NR2F6: variants seen among roughly 807,000 people sequenced by gnomAD.
The protein encoded by NR2F6 is nuclear receptor subfamily 2 group F member 6.
In NR2F6, 16 loss-of-function variants were observed where a neutral mutation model predicts 26.5. The observed-to-expected ratio is 0.60, with a 90% CI of 0.41 to 0.92. NR2F6 has a LOEUF of 0.92. NR2F6 is among the 40% of genes least tolerant of loss of function. NR2F6 has a pLI of 0.00. For missense variants in NR2F6, 536 were observed against 631.7 expected (o/e 0.85, Z 1.62); for synonymous variants, 325 against 305.0 (o/e 1.07, Z -0.68).
At position 17,245,330 on chromosome 19, in the gene NR2F6, G is replaced by A. The variant is rs1343538162; in HGVS notation, c.-110C>T. On this transcript the variant is annotated 5_prime_UTR_variant, in exon 1 of 4. Transcript: ENST00000291442. This position sits in a 1 kb window ranked among gnomAD's most constrained non-coding sequence, Gnocchi z 5.0. ...CGCATTCGGCCCCGGCGCGCGGGGG[G>A]CACGGGCTGCACCCCCCAAAAAAGT... 4 of 931,200 alleles carry A rather than the reference G, an allele frequency of 4.3e-6. No individual in the cohort carries two copies. The highest frequency in any genetic ancestry group is 5.3e-5 in the South Asian group (1 of 18,816). The allele number at this position is 931,200 out of a possible 1,614,324, so 57.7% of individuals were successfully genotyped here.
chr19:17,235,441 T>C lies in NR2F6; in HGVS notation c.940+58A>G. On this transcript the variant is annotated intron_variant, in intron 3 of 3. Coordinates refer to ENST00000291442, the MANE Select transcript of NR2F6 (RefSeq NM_005234.4). The surrounding 1 kb of genome is among the most constrained non-coding windows in gnomAD (Gnocchi z 5.0). Reference sequence around the variant, plus strand: ...GCCGGAGTCTGGGTCCAGGCCGCCCTCCTCCTAACCTCCCTTGGGTCCCCC... The same window carrying C: ...GCCGGAGTCTGGGTCCAGGCCGCCCCCCTCCTAACCTCCCTTGGGTCCCCC... 6.5e-7 allele frequency: 1 copy of C among 1,529,308 alleles called. No individual in the cohort carries two copies. Among genetic ancestry groups the C allele is most frequent in the East Asian group, 2.5e-5 (1 of 40,074 alleles). 94.7% of individuals were successfully genotyped at this position (1,529,308 alleles called of 1,614,324 possible). A position where few individuals can be genotyped will look rare whatever the true frequency, so the allele number is the denominator to read the frequency against.
At chr19:17,238,212 A>G (rs1414901948) in intron 2 of NR2F6, among the ~76,000 whole-genome samples, 1 of 152,234 alleles carries the variant, frequency 6.6e-6, no homozygotes. Context: ...AGGTAATTAC[A>G]TGGTAATTCA....
intron 3 of NR2F6, among the ~76,000 whole-genome samples, chr19:17,234,306 C>T (rs545590479): frequency 2.6e-5 from 4 of 152,096 alleles, no homozygotes; most frequent in South Asian, 2.1e-4. Context: ...CACTCTGTTG[C>T]GCAGGCTCAA....
In NR2F6 at chr19:17,245,215, G is replaced by A. The variant is rs1187585149; in HGVS notation, c.6C>T (p.Ala2=). Residue 2 remains alanine (A), a synonymous_variant, in exon 1 of 4, where the codon GCC becomes GCT. Transcript: ENST00000291442. This position sits in a 1 kb window ranked among gnomAD's most constrained non-coding sequence, Gnocchi z 5.0. ...GGCCGCCCCAGCCGCCGGTCACCATGGCCATAGCCCCAGGGCAGCGGGGCC... is the reference window on the plus strand; with the variant it reads ...GGCCGCCCCAGCCGCCGGTCACCATAGCCATAGCCCCAGGGCAGCGGGGCC... M[A]MVTGGWGGPG... The A allele has an allele frequency of 7.4e-7, 1 of 1,357,486 alleles. No homozygotes were observed. The highest frequency in any genetic ancestry group is 9.5e-7 in the Non-Finnish European group (1 of 1,055,004). The allele number at this position is 1,357,486 out of a possible 1,614,324, so 84.1% of individuals were successfully genotyped here.
intron 1 of NR2F6, 119 bp downstream of exon 1, chr19:17,244,824 G>C (rs1446263425): frequency 8.3e-7 from 1 of 1,198,142 alleles, no homozygotes; most frequent in East Asian, 2.9e-5. Flanking sequence ...CCCTATCTCA[G>C]AGGGGGCAGT....
At chr19:17,234,168 A>T (rs2073422997) in intron 3 of NR2F6, among the ~76,000 whole-genome samples, 1 of 151,152 alleles carries the variant, frequency 6.6e-6, no homozygotes, top group East Asian at 1.9e-4. Flanking sequence ...GGTTGCAGTG[A>T]GCCGAGATCG....
rs540680278 is a variant in NR2F6 at position 17,237,145 on chromosome 19, C to T, written c.374-1080G>A. ...GAAGCCAGGGGCGAACAGAGCTAAG[C>T]GGAGAAGCCAGGGCATGGGTTGAAG... On this transcript the variant is annotated intron_variant, in intron 2 of 3. Transcript: ENST00000291442. Among the ~76,000 whole-genome samples, 23 of 152,282 alleles carry T rather than the reference C, an allele frequency of 1.5e-4. No individual in the cohort carries two copies. In the South Asian group the frequency reaches 4.3e-3, roughly 29 times the overall value.
rs73931059 is a variant in NR2F6, at chr19:17,244,860, G to A, written c.278+83C>T. 0.012 allele frequency: 18,438 copies of A among 1,494,962 alleles called. 1,284 individuals carry two copies. In the African/African-American group the frequency reaches 0.19, roughly 15 times the overall value. 92.6% of individuals were successfully genotyped at this position (1,494,962 alleles called of 1,614,324 possible). A position where few individuals can be genotyped will look rare whatever the true frequency, so the allele number is the denominator to read the frequency against. On this transcript the variant is annotated intron_variant, in intron 1 of 3. Coordinates refer to ENST00000291442, the MANE Select transcript of NR2F6 (RefSeq NM_005234.4). ...GGAGGCCCAGGGAAGGTCAGCGCCAGGCCCAAGGTGACCGAGCAGGTCAGA... is the reference window on the plus strand; with the variant it reads ...GGAGGCCCAGGGAAGGTCAGCGCCAAGCCCAAGGTGACCGAGCAGGTCAGA...
intron 1 of NR2F6, 58 bp downstream of exon 1, chr19:17,244,885 A>AG: frequency 1.3e-6 from 2 of 1,537,092 alleles, no homozygotes. Context: ...AGCAGGTCAG[A>AG]GGCCTGCCCC....
Position 17,235,415 on chromosome 19 carries a change from G to T in NR2F6, c.940+84C>A. ...TAGGGAGCGAGCGGGGCGCTATGGG[G>T]GCCGGAGTCTGGGTCCAGGCCGCCC... is the stretch of plus-strand genomic sequence containing the variant. On this transcript the variant is annotated intron_variant, in intron 3 of 3. Transcript: ENST00000291442. This position sits in a 1 kb window ranked among gnomAD's most constrained non-coding sequence, Gnocchi z 5.0. 2 of 1,512,062 alleles carry T rather than the reference G, an allele frequency of 1.3e-6. No homozygotes were observed. The highest frequency in any genetic ancestry group is 2.5e-5 in the South Asian group (2 of 81,318). The allele number at this position is 1,512,062 out of a possible 1,614,324, so 93.7% of individuals were successfully genotyped here. A position where few individuals can be genotyped will look rare whatever the true frequency, so the allele number is the denominator to read the frequency against.
In NR2F6 at chr19:17,235,972, C is replaced by T; in HGVS notation, c.467G>A (p.Ser156Asn). ...CTGCCCCGGGAAGAGGTCTCCGCCG[C>T]TCGCCACTGCCGCCAGCGCCGAGCC... ...PPGSALAAVA[S>N]GGDLFPGQPV... Residue 156 changes from serine to asparagine, a missense_variant, in exon 3 of 4, where the codon AGC (serine) becomes AAC (asparagine). Physicochemically the swap from Ser to Asn is conservative, Grantham distance 46 (BLOSUM62 1). Transcript: ENST00000291442. The surrounding 1 kb of genome is among the most constrained non-coding windows in gnomAD (Gnocchi z 5.0). The T allele has an allele frequency of 6.8e-7, 1 of 1,471,046 alleles. No individual in the cohort carries two copies. Among genetic ancestry groups the T allele is most frequent in the South Asian group, 1.3e-5 (1 of 77,332 alleles). The allele number at this position is 1,471,046 out of a possible 1,614,324, so 91.1% of individuals were successfully genotyped here. A position where few individuals can be genotyped will look rare whatever the true frequency, so the allele number is the denominator to read the frequency against.
chr19:17,241,587 T>C (rs753211473), intron 1 of NR2F6, among the ~76,000 whole-genome samples: 4 of 152,252 alleles, frequency 2.6e-5, no homozygotes, highest in Non-Finnish European at 5.9e-5. Context: ...GCCCCTGCCC[T>C]TGGACTCCCC....
At chr19:17,233,288 G>A (rs529942882) in intron 3 of NR2F6, among the ~76,000 whole-genome samples, 11 of 150,148 alleles carry the variant, frequency 7.3e-5, no homozygotes, top group Admixed American at 2.0e-4. Flanking sequence ...CAGCCTGGGC[G>A]ACAGAGTAAT....
intron 1 of NR2F6, among the ~76,000 whole-genome samples, chr19:17,241,054 G>C (rs2073466609): frequency 6.6e-6 from 1 of 152,212 alleles, no homozygotes; most frequent in South Asian, 2.1e-4. Flanking sequence ...TTCTCCAGGT[G>C]AATGGCGGGG....
rs914607892 is a variant in NR2F6, at chr19:17,244,602, G to A, written c.278+341C>T. 1.5e-5 allele frequency: 4 copies of A among 261,634 alleles called. No individual in the cohort carries two copies. In the Admixed American group the frequency reaches 2.3e-4, roughly 15 times the overall value. 16.2% of individuals were successfully genotyped at this position (261,634 alleles called of 1,614,324 possible). A position where few individuals can be genotyped will look rare whatever the true frequency, so the allele number is the denominator to read the frequency against. On this transcript the variant is annotated intron_variant, in intron 1 of 3. Coordinates refer to ENST00000291442, the MANE Select transcript of NR2F6 (RefSeq NM_005234.4). Reference sequence around the variant, plus strand: ...CGCGCCGGGATCCCCGAGAACGGGTGCCCTGGGGTTGGGTTACCACCCCTG... The same window carrying A: ...CGCGCCGGGATCCCCGAGAACGGGTACCCTGGGGTTGGGTTACCACCCCTG...
At chr19:17,238,538 A>G (rs1338436960) in intron 2 of NR2F6, among the ~76,000 whole-genome samples, 2 of 152,182 alleles carry the variant, frequency 1.3e-5, no homozygotes, top group African/African-American at 4.8e-5. Flanking sequence ...GTCATCATAA[A>G]TATTTCCACC....
chr19:17,232,731 G>T, intron 3 of NR2F6, 105 bp from the exon 4 acceptor site: 2 of 1,356,116 alleles, frequency 1.5e-6, no homozygotes, highest in Non-Finnish European at 2.0e-6. Flanking sequence ...AAGAACAGGG[G>T]GCCGGGCATG....
At chr19:17,242,651 C>T (rs937361057) in intron 1 of NR2F6, among the ~76,000 whole-genome samples, 1 of 152,224 alleles carries the variant, frequency 6.6e-6, no homozygotes, top group Non-Finnish European at 1.5e-5. Context: ...TCAGGCAGAA[C>T]CAGAACAAAG....
In NR2F6 at chr19:17,245,126, G is replaced by A; in HGVS notation, c.95C>T (p.Ser32Leu). ...GGYPRAAEDD[S>L]ASPPGAASDA... ...GCTGGCGGCACCGGGGGGCGAGGCC[G>A]AGTCGTCCTCGGCCGCGCGCGGGTA... Residue 32 changes from serine to leucine, a missense_variant, in exon 1 of 4, where the codon TCG becomes TTG. Ser to Leu is a moderately radical substitution (Grantham distance 145). Transcript: ENST00000291442. The surrounding 1 kb of genome is among the most constrained non-coding windows in gnomAD (Gnocchi z 5.0). 1 of 1,524,914 alleles carries A rather than the reference G, an allele frequency of 6.6e-7. No individual in the cohort carries two copies. Among genetic ancestry groups the A allele is most frequent in the Non-Finnish European group, 8.8e-7 (1 of 1,138,412 alleles). 94.5% of individuals were successfully genotyped at this position (1,524,914 alleles called of 1,614,324 possible). A position where few individuals can be genotyped will look rare whatever the true frequency, so the allele number is the denominator to read the frequency against.
Sources: gnomAD v4.1 joint callset for allele counts (sites outside exome capture counted in the v4.1 genomes callset) on GRCh38, gnomAD v4.1.1 for gene constraint, Gnocchi (gnomAD v3.1) non-coding constraint, MANE v1.5 for transcripts, NCBI Gene and HGNC (gene_info 2026-07-23, HGNC 2026-07-21) for gene names.